Variants in INPP4B observed in about 807,000 individuals in gnomAD.
The protein encoded by INPP4B is inositol polyphosphate-4-phosphatase type II B, also known as inositol polyphosphate 4-phosphatase type II.
INPP4B carries 55 observed loss-of-function variants against 122.5 expected under a neutral mutation model. The ratio of observed to expected loss-of-function variants is 0.45; its 90% confidence interval spans 0.36 to 0.56. The LOEUF (loss-of-function observed/expected upper bound fraction) is 0.56, where lower values mean the gene tolerates loss of function less well. Among genes scored for constraint, INPP4B ranks in the 20% least tolerant of loss-of-function variants. INPP4B has a pLI of 0.00. For missense variants in INPP4B, 1,000 were observed against 1,097.7 expected (o/e 0.91, Z 1.26); for synonymous variants, 403 against 388.7 (o/e 1.04, Z -0.43).
chr4:142,548,655 A>C (rs1727219569), intron 2 of INPP4B, among the ~76,000 whole-genome samples: 1 of 152,120 alleles, frequency 6.6e-6, no homozygotes. Flanking sequence ...CACTCTACAG[A>C]ATCCTTGAAA....
intron 23 of INPP4B, among the ~76,000 whole-genome samples, chr4:142,088,979 G>A (rs1334381255): frequency 2.0e-5 from 3 of 152,156 alleles, no homozygotes; most frequent in Non-Finnish European, 4.4e-5. Flanking sequence ...GTGGGTGTTG[G>A]AGGGCATCCA....
chr4:142,760,980 C>T (rs1353851937), intron 1 of INPP4B, among the ~76,000 whole-genome samples: 1 of 152,086 alleles, frequency 6.6e-6, no homozygotes, highest in Non-Finnish European at 1.5e-5. Context: ...CTGGTCTCAC[C>T]CACTAATATA....
intron 7 of INPP4B, among the ~76,000 whole-genome samples, chr4:142,365,007 G>A (rs796901182): frequency 6.6e-6 from 1 of 152,104 alleles, no homozygotes; most frequent in South Asian, 2.1e-4. Context: ...GCTCCCAAGT[G>A]AGGTAAGAAT....
intron 2 of INPP4B, among the ~76,000 whole-genome samples, chr4:142,523,784 T>A (rs1826429697): frequency 6.8e-6 from 1 of 146,258 alleles, no homozygotes; most frequent in Admixed American, 6.9e-5. Context: ...ATTAGGTATA[T>A]CTCCCAATGC....
At position 142,146,006 on chromosome 4, in the gene INPP4B, G is replaced by A. The variant is rs775144310; in HGVS notation, c.1564-10C>T. 1.2e-6 allele frequency: 2 copies of A among 1,607,284 alleles called. No homozygotes were observed. The highest frequency in any genetic ancestry group is 3.3e-4 in the Middle Eastern group (2 of 6,026). ...TGGCCCACACCCTGTCCTGAAAAAA[G>A]CATGAGTATCACTACATATTTTTGT... is the stretch of plus-strand genomic sequence containing the variant. On this transcript the variant is annotated splice_polypyrimidine_tract_variant and intron_variant, in intron 17 of 25. Coordinates refer to ENST00000262992, the MANE Select transcript of INPP4B (RefSeq NM_001101669.3).
chr4:142,189,418 C>T (rs935574425), intron 15 of INPP4B, among the ~76,000 whole-genome samples: 15 of 152,150 alleles, frequency 9.9e-5, no homozygotes, highest in African/African-American at 2.7e-4. Context: ...GGTGCTCCAT[C>T]TCTTATTCAA....
intron 2 of INPP4B, among the ~76,000 whole-genome samples, chr4:142,660,263 G>A (rs1480173711): frequency 1.3e-5 from 2 of 152,056 alleles, no homozygotes. Flanking sequence ...GGGGATGCAA[G>A]GATGGAAGAG....
intron 2 of INPP4B, among the ~76,000 whole-genome samples, chr4:142,585,176 A>G (rs529120142): frequency 2.0e-5 from 3 of 152,156 alleles, no homozygotes; most frequent in Non-Finnish European, 4.4e-5. Flanking sequence ...TATTTTGTGC[A>G]TTCACTGTCT....
intron 1 of INPP4B, among the ~76,000 whole-genome samples, chr4:142,844,998 G>A (rs1784011975): frequency 6.6e-6 from 1 of 152,142 alleles, no homozygotes; most frequent in Non-Finnish European, 1.5e-5. Flanking sequence ...AACATCTGGA[G>A]TCATAAAATA....
chr4:142,200,191 G>A (rs1840055199), intron 14 of INPP4B, among the ~76,000 whole-genome samples: 7 of 151,786 alleles, frequency 4.6e-5, no homozygotes, highest in Admixed American at 4.6e-4. Flanking sequence ...TCTTTTTGCT[G>A]TTCAGGTTGT....
chr4:142,452,768 A>G (rs9308152), intron 3 of INPP4B, among the ~76,000 whole-genome samples: 23,957 of 152,200 alleles, frequency 0.16, 2,153 homozygotes, highest in East Asian at 0.37. Context: ...GGATGTTCTC[A>G]AAAAGACAAA....
At chr4:142,292,879 G>A (rs1757016716) in intron 9 of INPP4B, among the ~76,000 whole-genome samples, 1 of 152,020 alleles carries the variant, frequency 6.6e-6, no homozygotes, top group African/African-American at 2.4e-5. Flanking sequence ...TGTAATATAT[G>A]CCTAGTAACA....
At chr4:142,073,120 G>A (rs941130365) in intron 25 of INPP4B, among the ~76,000 whole-genome samples, 1 of 152,026 alleles carries the variant, frequency 6.6e-6, no homozygotes, top group Non-Finnish European at 1.5e-5. Context: ...CATGTGATTT[G>A]TTACTAATAA....
At chr4:142,303,212 G>C (rs1390703002) in intron 9 of INPP4B, among the ~76,000 whole-genome samples, 11 of 152,054 alleles carry the variant, frequency 7.2e-5, no homozygotes, top group African/African-American at 2.7e-4. Context: ...ACAGTGCTCG[G>C]TCGAATTAGT....
intron 10 of INPP4B, 122 bp downstream of exon 10, chr4:142,270,541 G>T: frequency 1.4e-6 from 1 of 691,730 alleles, no homozygotes; most frequent in Non-Finnish European, 2.6e-6. Flanking sequence ...TTTCAGAGCT[G>T]TTGTCCCATT....
chr4:142,289,030 AT>A (rs1755150922), intron 9 of INPP4B, among the ~76,000 whole-genome samples: 1 of 152,042 alleles, frequency 6.6e-6, no homozygotes, highest in Admixed American at 6.6e-5. Context: ...CTTTCAATGT[AT>A]TTTTTATTTA....
At position 142,129,996 on chromosome 4, in the gene INPP4B, G is replaced by T. The variant is rs185417437; in HGVS notation, c.1721-5236C>A. ...AGAAGGAAAGGTAAGAAGTACAAAG[G>T]AATACCTACAGTATAAGGTGGTATG... On this transcript the variant is annotated intron_variant, in intron 18 of 25. Coordinates refer to ENST00000262992, the MANE Select transcript of INPP4B (RefSeq NM_001101669.3). Among the ~76,000 whole-genome samples, 26 of 152,282 alleles carry T rather than the reference G, an allele frequency of 1.7e-4. No homozygotes were observed. The East Asian group carries it at 5.0e-3, about 29-fold the overall frequency.
intron 2 of INPP4B, among the ~76,000 whole-genome samples, chr4:142,489,692 C>T (rs1225880040): frequency 6.6e-6 from 1 of 152,082 alleles, no homozygotes; most frequent in African/African-American, 2.4e-5. Flanking sequence ...CCACACCTGG[C>T]GTAGATGGTG....
At chr4:142,534,979 G>A (rs780588109) in intron 2 of INPP4B, among the ~76,000 whole-genome samples, 1 of 152,136 alleles carries the variant, frequency 6.6e-6, no homozygotes, top group East Asian at 1.9e-4. Flanking sequence ...CCCTGGGGAA[G>A]TAAGAGTTTA....
Sources: gnomAD v4.1 joint callset for allele counts (sites outside exome capture counted in the v4.1 genomes callset) on GRCh38, gnomAD v4.1.1 for gene constraint, MANE v1.5 for transcripts, NCBI Gene and HGNC (gene_info 2026-07-23, HGNC 2026-07-21) for gene names.